CDH18: variants seen among roughly 807,000 people sequenced by gnomAD.
CDH18 encodes cadherin 18.
Under a neutral mutation model 67.9 loss-of-function variants are expected in CDH18, and 31 were observed. That is an observed-to-expected ratio of 0.46 (90% confidence interval 0.34 to 0.62). CDH18 has a LOEUF of 0.62. CDH18 is among the 20% of genes least tolerant of loss of function. The probability of loss-of-function intolerance (pLI) is 0.01; values close to 1 mark genes in which losing one functional copy is unlikely to be tolerated. For synonymous variants in CDH18, 362 were observed against 347.2 expected, an observed-to-expected ratio of 1.04 and a Z score of -0.48; for missense variants, 890 against 975.5, an observed-to-expected ratio of 0.91 and a Z score of 1.17.
At chr5:20,571,262 G>T (rs776477765) in intron 1 of CDH18, among the ~76,000 whole-genome samples, 5 of 151,860 alleles carry the variant, frequency 3.3e-5, no homozygotes, top group African/African-American at 1.2e-4. Flanking sequence ...GCCAAATTTC[G>T]CAACATACAA....
chr5:20,397,596 C>A (rs1412723835), intron 1 of CDH18, among the ~76,000 whole-genome samples: 1 of 152,070 alleles, frequency 6.6e-6, no homozygotes, highest in African/African-American at 2.4e-5. Context: ...CTCTTCATGT[C>A]AATGATCATG....
rs140226600 is a variant in CDH18, at chr5:19,888,064, T to C, written c.-256-48822A>G. On this transcript the variant is annotated intron_variant, in intron 2 of 12. Transcript: ENST00000382275. ...CTAATCTCTCCATTCTATTCCCTTA[T>C]TCTATTTGTCTCTTCTGAGATTTCT... is the stretch of plus-strand genomic sequence containing the variant. Among the ~76,000 whole-genome samples the C allele has an allele frequency of 2.2e-4, 33 of 152,250 alleles. No individual in the cohort carries two copies. The East Asian group carries it at 3.5e-3, about 16-fold the overall frequency.
intron 1 of CDH18, among the ~76,000 whole-genome samples, chr5:20,280,213 CT>C (rs1006896958): frequency 1.3e-5 from 2 of 151,036 alleles, no homozygotes; most frequent in East Asian, 1.9e-4. Flanking sequence ...TTTCTGGATT[CT>C]TTTTTTTATT....
At chr5:20,225,150 C>A (rs181197852) in intron 2 of CDH18, among the ~76,000 whole-genome samples, 66 of 152,182 alleles carry the variant, frequency 4.3e-4, no homozygotes, top group African/African-American at 1.5e-3. Flanking sequence ...TCCCAGAAAT[C>A]CTAGTATCAT....
intron 10 of CDH18, among the ~76,000 whole-genome samples, chr5:19,517,938 C>T (rs1039100632): frequency 6.6e-6 from 1 of 151,638 alleles, no homozygotes; most frequent in Non-Finnish European, 1.5e-5. Flanking sequence ...CTGTTATTAC[C>T]AGTAATTGAG....
At chr5:20,343,779 G>T (rs1332850570) in intron 1 of CDH18, among the ~76,000 whole-genome samples, 1 of 152,168 alleles carries the variant, frequency 6.6e-6, no homozygotes, top group Admixed American at 6.5e-5. Context: ...CTACTGGAAA[G>T]AGAGACACTT....
intron 1 of CDH18, among the ~76,000 whole-genome samples, chr5:20,338,272 G>A (rs932559698): frequency 2.0e-5 from 3 of 152,208 alleles, no homozygotes; most frequent in African/African-American, 7.2e-5. Flanking sequence ...TCTGTTAGGA[G>A]ACACATTGTA....
intron 2 of CDH18, among the ~76,000 whole-genome samples, chr5:20,024,573 G>A (rs1435989551): frequency 5.9e-5 from 9 of 152,172 alleles, no homozygotes; most frequent in Admixed American, 2.6e-4. Flanking sequence ...TTGTGTAAAT[G>A]TATGGGCTTG....
rs535965374 is a variant in CDH18 at position 19,697,880 on chromosome 5, C to T, written c.643+23467G>A. ...TGCCTGCCCAGGGATCCACCTCTAT[C>T]CTCTTCAGATGAACATGGGCTTTGT... On this transcript the variant is annotated intron_variant, in intron 5 of 12. Transcript: ENST00000382275. Among the ~76,000 whole-genome samples, 10 of 152,208 alleles carry T rather than the reference C, an allele frequency of 6.6e-5. No homozygotes were observed. In the South Asian group the frequency reaches 2.1e-3, roughly 32 times the overall value.
intron 9 of CDH18, among the ~76,000 whole-genome samples, chr5:19,541,964 G>C (rs890040686): frequency 3.9e-5 from 6 of 152,016 alleles, no homozygotes; most frequent in Admixed American, 2.0e-4. Flanking sequence ...ATTCACAATT[G>C]CTAACGTCTG....
chr5:20,497,972 C>T (rs925339073), intron 1 of CDH18, among the ~76,000 whole-genome samples: 2 of 152,056 alleles, frequency 1.3e-5, no homozygotes, highest in Admixed American at 6.6e-5. Flanking sequence ...AGAGAGCTGT[C>T]TTGCCCTTTC....
At chr5:20,508,323 T>TTATATATA (rs55885279) in intron 1 of CDH18, among the ~76,000 whole-genome samples, 99 of 111,154 alleles carry the variant, frequency 8.9e-4, no homozygotes, top group Non-Finnish European at 1.2e-3. Flanking sequence ...ATGACTATGA[T>TTATATATA]TATATATATA....
intron 8 of CDH18, among the ~76,000 whole-genome samples, chr5:19,562,550 T>C (rs1739641446): frequency 6.6e-6 from 1 of 152,172 alleles, no homozygotes; most frequent in Non-Finnish European, 1.5e-5. Flanking sequence ...CTGGATAGGC[T>C]GAGAAAATAC....
chr5:19,885,629 T>C (rs115177866), intron 2 of CDH18, among the ~76,000 whole-genome samples: 2,803 of 152,248 alleles, frequency 0.018, 84 homozygotes, highest in African/African-American at 0.065. Flanking sequence ...GGTGCGATCA[T>C]AGCTCACTGC....
chr5:19,874,130 T>C (rs968237076), intron 2 of CDH18, among the ~76,000 whole-genome samples: 3 of 152,176 alleles, frequency 2.0e-5, no homozygotes, highest in Non-Finnish European at 4.4e-5. Context: ...TTAAAGCATG[T>C]GTAGATTTTA....
intron 2 of CDH18, among the ~76,000 whole-genome samples, chr5:19,927,231 C>A (rs1450023258): frequency 6.6e-6 from 1 of 152,102 alleles, no homozygotes; most frequent in African/African-American, 2.4e-5. Context: ...GAAATGGTGG[C>A]ACAAGACAGG....
At chr5:20,409,879 C>A (rs540239771) in intron 1 of CDH18, among the ~76,000 whole-genome samples, 1 of 151,436 alleles carries the variant, frequency 6.6e-6, no homozygotes, top group East Asian at 1.9e-4. Context: ...GCTAAGAAAC[C>A]AGGTAAACTA....
At chr5:19,775,332 G>A (rs539686396) in intron 3 of CDH18, among the ~76,000 whole-genome samples, 5 of 152,204 alleles carry the variant, frequency 3.3e-5, no homozygotes, top group African/African-American at 9.6e-5. Flanking sequence ...TACCTGAGAC[G>A]GGGTAATTTA....
rs112815048 is a variant in CDH18 at position 19,483,302 on chromosome 5, C to T, written c.1881G>A (p.Leu627=). Residue 627 remains leucine (L), a splice_region_variant and synonymous_variant, in exon 12 of 13, where the codon CTG becomes CTA. Transcript: ENST00000382275. ...IAILLCVLIL[L]AIVVLFITLR... is the part of the protein sequence containing the mutation. ...AACTTAGGGTTTAGAATGACTTACC[C>T]AGGAGAATGAGAACACAGAGAAGAA... 7.0e-4 allele frequency: 1,126 copies of T among 1,611,304 alleles called. 8 individuals carry two copies. In the African/African-American group the frequency reaches 0.013, roughly 19 times the overall value.
Sources: gnomAD v4.1 joint callset for allele counts (sites outside exome capture counted in the v4.1 genomes callset) on GRCh38, gnomAD v4.1.1 for gene constraint, MANE v1.5 for transcripts, NCBI Gene and HGNC (gene_info 2026-07-23, HGNC 2026-07-21) for gene names.